Variants in MCPH1 observed in about 807,000 individuals in gnomAD.
The protein encoded by MCPH1 is microcephalin 1, also known as microcephalin.
Under a neutral mutation model 84.5 loss-of-function variants are expected in MCPH1, and 104 were observed. The observed-to-expected ratio is 1.23, with a 90% CI of 1.05 to 1.45. MCPH1 has a LOEUF of 1.45. Ranked by LOEUF, MCPH1 falls within the 40% of genes most tolerant of loss-of-function variation. The probability of loss-of-function intolerance (pLI) is 0.00; values close to 1 mark genes in which losing one functional copy is unlikely to be tolerated. For synonymous variants in MCPH1, 514 were observed against 366.8 expected (o/e 1.40, Z -4.58); for missense variants, 1,498 against 1,005.7 (o/e 1.49, Z -6.62).
intron 12 of MCPH1, chr8:6,519,867 G>C: frequency 6.2e-7 from 1 of 1,613,834 alleles, no homozygotes; most frequent in Non-Finnish European, 8.5e-7. Flanking sequence ...ACCTCACCTT[G>C]ATCTCTTCTG....
At chr8:6,560,946 G>A (rs1239270629) in intron 12 of MCPH1, among the ~76,000 whole-genome samples, 3 of 152,206 alleles carry the variant, frequency 2.0e-5, no homozygotes, top group Non-Finnish European at 4.4e-5. Context: ...TGACCTGCCT[G>A]TCGGGCAGAT....
intron 12 of MCPH1, among the ~76,000 whole-genome samples, chr8:6,553,702 T>C (rs1217410589): frequency 6.6e-6 from 1 of 151,472 alleles, no homozygotes; most frequent in Non-Finnish European, 1.5e-5. Context: ...CTTTTCCTTC[T>C]GGTTGGTGGT....
At chr8:6,642,200 C>G (rs1344011888) in intron 13 of MCPH1, among the ~76,000 whole-genome samples, 1 of 152,098 alleles carries the variant, frequency 6.6e-6, no homozygotes, top group African/African-American at 2.4e-5. Context: ...CATTGTGATT[C>G]TTTAATTGCA....
At chr8:6,459,615 G>C (rs573525623) in intron 9 of MCPH1, among the ~76,000 whole-genome samples, 1 of 152,322 alleles carries the variant, frequency 6.6e-6, no homozygotes, top group East Asian at 1.9e-4. Flanking sequence ...GAACAGTAAG[G>C]TCTGGGCCTG....
At chr8:6,411,607 A>G (rs1287904383) in intron 2 of MCPH1, among the ~76,000 whole-genome samples, 4 of 152,334 alleles carry the variant, frequency 2.6e-5, no homozygotes, top group East Asian at 1.9e-4. Context: ...GTGAAGAACT[A>G]TGCTACTGTT....
chr8:6,625,977 GA>G (rs1832037483), intron 13 of MCPH1: 1 of 985,038 alleles, frequency 1.0e-6, no homozygotes, highest in South Asian at 4.7e-5. Flanking sequence ...CCAGAGGAGG[GA>G]AAGGAAGGTG....
rs2129581796 is a variant in MCPH1, at chr8:6,628,094, A to G, written c.2452+6403A>G. On this transcript the variant is annotated intron_variant, in intron 13 of 13. Transcript: ENST00000344683. Reference sequence around the variant, plus strand: ...GGATGGTTATCTTTGAAACTTCCTAACCTGTTGGGTCCCCGTCGTTAAACT... The same window carrying G: ...GGATGGTTATCTTTGAAACTTCCTAGCCTGTTGGGTCCCCGTCGTTAAACT... Among the ~76,000 whole-genome samples the G allele has an allele frequency of 2.0e-5, 3 of 152,220 alleles. No homozygotes were observed. In the Middle Eastern group the frequency reaches 0.01, roughly 521 times the overall value.
At chr8:6,632,880 A>AACAC (rs1425947663) in intron 13 of MCPH1, among the ~76,000 whole-genome samples, 1 of 152,232 alleles carries the variant, frequency 6.6e-6, no homozygotes, top group Admixed American at 6.5e-5. Flanking sequence ...GTGTTTTTAA[A>AACAC]ACACACACAC....
intron 12 of MCPH1, among the ~76,000 whole-genome samples, chr8:6,554,338 G>C (rs967505671): frequency 1.3e-5 from 2 of 151,736 alleles, no homozygotes; most frequent in Non-Finnish European, 2.9e-5. Context: ...CTGGCTGCTT[G>C]CTTCCTTTTA....
intron 13 of MCPH1, among the ~76,000 whole-genome samples, chr8:6,628,535 AGCT>A (rs1796926749): frequency 6.6e-6 from 1 of 151,934 alleles, no homozygotes; most frequent in African/African-American, 2.4e-5. Flanking sequence ...TACAGGAGTC[AGCT>A]GTCTATTCAA....
chr8:6,481,993 C>A (rs1809306602), intron 11 of MCPH1, among the ~76,000 whole-genome samples: 1 of 152,188 alleles, frequency 6.6e-6, no homozygotes, highest in South Asian at 2.1e-4. Context: ...GGTTATCTGG[C>A]TCCATTCTCC....
intron 12 of MCPH1, among the ~76,000 whole-genome samples, chr8:6,614,506 G>A (rs1357679994): frequency 6.6e-6 from 1 of 152,226 alleles, no homozygotes; most frequent in African/African-American, 2.4e-5. Context: ...GTGGAGGCAG[G>A]CCCTTTGTCC....
At chr8:6,481,360 A>C (rs1449810390) in intron 11 of MCPH1, among the ~76,000 whole-genome samples, 1 of 152,210 alleles carries the variant, frequency 6.6e-6, no homozygotes, top group Non-Finnish European at 1.5e-5. Context: ...CTGTAACATT[A>C]TTTGCCCTTG....
chr8:6,481,555 C>A (rs1444687736), intron 11 of MCPH1, among the ~76,000 whole-genome samples: 1 of 152,166 alleles, frequency 6.6e-6, no homozygotes, highest in South Asian at 2.1e-4. Flanking sequence ...TCTGTGGTAT[C>A]CGTCTTCCCT....
chr8:6,560,791 G>T (rs1563128965), intron 12 of MCPH1, among the ~76,000 whole-genome samples: 2 of 152,216 alleles, frequency 1.3e-5, no homozygotes, highest in Admixed American at 1.3e-4. Context: ...CCAAGAGAAG[G>T]GGTAGTTTAC....
chr8:6,626,309 C>T (rs1337522314), intron 13 of MCPH1: 12 of 985,124 alleles, frequency 1.2e-5, no homozygotes, highest in Middle Eastern at 5.2e-4. Flanking sequence ...ATTTCATCTG[C>T]GCCGCGTTGC....
chr8:6,503,032 G>A, intron 12 of MCPH1: 2 of 1,580,782 alleles, frequency 1.3e-6, no homozygotes, highest in East Asian at 2.2e-5. Flanking sequence ...GCGCAGCCGT[G>A]ACTTTCAGTG....
At chr8:6,565,609 T>C (rs1826083154) in intron 12 of MCPH1, among the ~76,000 whole-genome samples, 1 of 151,802 alleles carries the variant, frequency 6.6e-6, no homozygotes, top group Non-Finnish European at 1.5e-5. Context: ...GCAAATAGAG[T>C]AGTTTAAAAG....
chr8:6,434,597 C>A (rs940952707), intron 4 of MCPH1, among the ~76,000 whole-genome samples: 2 of 152,198 alleles, frequency 1.3e-5, no homozygotes, highest in Non-Finnish European at 2.9e-5. Context: ...TGACAAGGAT[C>A]TTTCTAGGTT....
Sources: allele counts gnomAD v4.1 joint callset (sites outside exome capture counted in the v4.1 genomes callset), GRCh38; gene constraint gnomAD v4.1.1; transcripts MANE v1.5; gene names NCBI Gene and HGNC (gene_info 2026-07-23, HGNC 2026-07-21).